DNAJC13: variants seen among roughly 807,000 people sequenced by gnomAD.
DNAJC13 encodes the protein DnaJ heat shock protein family (Hsp40) member C13.
In DNAJC13, 75 loss-of-function variants were observed where a neutral mutation model predicts 290.5. That is an observed-to-expected ratio of 0.26 (90% confidence interval 0.21 to 0.31). DNAJC13 has a LOEUF of 0.31. Among genes scored for constraint, DNAJC13 ranks in the 10% least tolerant of loss-of-function variants. The pLI, the probability that DNAJC13 is intolerant of heterozygous loss-of-function variation, is 1.00. For missense variants in DNAJC13, 2,260 were observed against 2,674.5 expected (o/e 0.85, Z 3.42); for synonymous variants, 862 against 892.0 (o/e 0.97, Z 0.60).
At chr3:132,422,057 A>G (rs904036162) in intron 1 of DNAJC13, among the ~76,000 whole-genome samples, 2 of 147,912 alleles carry the variant, frequency 1.4e-5, no homozygotes, top group African/African-American at 5.0e-5. Flanking sequence ...CTTTTTTCAG[A>G]CCTCACTCTG....
chr3:132,424,701 C>T (rs557916915), intron 1 of DNAJC13, among the ~76,000 whole-genome samples: 11 of 152,080 alleles, frequency 7.2e-5, no homozygotes, highest in African/African-American at 2.6e-4. Flanking sequence ...TTGATATTAC[C>T]GCTGGCTTTT....
chr3:132,488,427 G>A lies in DNAJC13; in HGVS notation c.3397G>A (p.Gly1133Ser). The change falls in exon 30 of 56, where the codon GGT becomes AGT. Residue 1133 changes from glycine (G) to serine (S), a missense_variant. Gly to Ser is a moderately conservative substitution (Grantham distance 56). Around this residue, in one of 3 missense-constraint regions of DNAJC13, gnomAD observed 1,494 missense variants for 1,693.7 expected, o/e 0.88. Coordinates refer to ENST00000260818, the MANE Select transcript of DNAJC13 (RefSeq NM_015268.4). ...GVFFFIMMYT[G>S]SNVLPVARFL... Reference sequence around the variant, plus strand: ...ATTTTTCTTTATCATGATGTACACAGGTTCCAATGTGCTTCCTGTTGCTCG... The same window carrying A: ...ATTTTTCTTTATCATGATGTACACAAGTTCCAATGTGCTTCCTGTTGCTCG... 1 of 1,611,444 alleles carries A rather than the reference G, an allele frequency of 6.2e-7. No homozygotes were observed. Among genetic ancestry groups the A allele is most frequent in the Non-Finnish European group, 8.5e-7 (1 of 1,178,882 alleles).
intron 20 of DNAJC13, among the ~76,000 whole-genome samples, chr3:132,472,174 G>A (rs553798155): frequency 1.3e-5 from 2 of 151,392 alleles, no homozygotes; most frequent in African/African-American, 2.4e-5. Flanking sequence ...GCAGTGAGCC[G>A]AGATGGCAGC....
At chr3:132,462,425 T>G in intron 15 of DNAJC13, 42 bp from the exon 16 acceptor site, 1 of 1,566,276 alleles carries the variant, frequency 6.4e-7, no homozygotes, top group Non-Finnish European at 8.7e-7. Context: ...TGGAATAAAA[T>G]TCTTTTTTAT....
At chr3:132,479,539 CTT>C (rs1190564809) in intron 25 of DNAJC13, among the ~76,000 whole-genome samples, 3 of 152,058 alleles carry the variant, frequency 2.0e-5, no homozygotes, top group Non-Finnish European at 4.4e-5. Context: ...TAATGGATGA[CTT>C]TTAATACATT....
chr3:132,433,863 A>T (rs1939302116), intron 1 of DNAJC13, among the ~76,000 whole-genome samples: 1 of 152,184 alleles, frequency 6.6e-6, no homozygotes, highest in Non-Finnish European at 1.5e-5. Context: ...GACAATCACA[A>T]TATGGTGCTA....
rs1553745989 is a variant in DNAJC13 at position 132,471,237 on chromosome 3, C to CG, written c.2209-1902dup. ...CTCCCGGACGGGGCGGCTGGCCGGG[C>CG]GGGGGGCTGACCCCCCCACCTCCCT... On this transcript the variant is annotated intron_variant, in intron 20 of 55. Coordinates refer to ENST00000260818, the MANE Select transcript of DNAJC13 (RefSeq NM_015268.4). Among the ~76,000 whole-genome samples, 749 of 128,818 alleles carry CG rather than the reference C, an allele frequency of 5.8e-3. 6 individuals carry two copies. The highest frequency in any genetic ancestry group is 0.021 in the African/African-American group (702 of 33,406). The allele number at this position is 128,818 out of a possible 152,430, so 84.5% of individuals were successfully genotyped here.
intron 2 of DNAJC13, among the ~76,000 whole-genome samples, chr3:132,442,064 T>TA (rs796966265): frequency 3.8e-4 from 56 of 146,724 alleles, no homozygotes; most frequent in Admixed American, 1.8e-3. Flanking sequence ...ATACCTTATG[T>TA]AAAAAAAAAT....
At chr3:132,518,661 T>C (rs1326875711) in intron 48 of DNAJC13, among the ~76,000 whole-genome samples, 1 of 152,158 alleles carries the variant, frequency 6.6e-6, no homozygotes, top group African/African-American at 2.4e-5. Context: ...TGGCCAAATT[T>C]TTTTTTCCTT....
At chr3:132,476,095 A>C (rs1934463342) in intron 22 of DNAJC13, among the ~76,000 whole-genome samples, 1 of 152,006 alleles carries the variant, frequency 6.6e-6, no homozygotes, top group South Asian at 2.1e-4. Flanking sequence ...CACCATGCCT[A>C]GCTAATTTTT....
Position 132,526,187 on chromosome 3 carries a change from T to C in DNAJC13, c.6287T>C (p.Met2096Thr), listed in dbSNP as rs761109223. The C allele has an allele frequency of 1.9e-6, 3 of 1,614,116 alleles. No homozygotes were observed. The highest frequency in any genetic ancestry group is 2.5e-6 in the Non-Finnish European group (3 of 1,180,000). The change falls in exon 53 of 56, where the codon ATG (methionine) becomes ACG (threonine). Residue 2096 changes from methionine (M) to threonine (T), a missense_variant. Physicochemically the swap from Met to Thr is moderately conservative, Grantham distance 81 (BLOSUM62 -1). Coordinates refer to ENST00000260818, the MANE Select transcript of DNAJC13 (RefSeq NM_015268.4). ...TCTTTAGAGACCATTGGCCCACTGATGAATGGAATGAAAAAGCGAGCAGAT... is the reference window on the plus strand; with the variant it reads ...TCTTTAGAGACCATTGGCCCACTGACGAATGGAATGAAAAAGCGAGCAGAT... ...MASLETIGPL[M>T]NGMKKRADTV... is the part of the protein sequence containing the mutation.
Position 132,479,271 on chromosome 3 carries a change from C to A in DNAJC13, c.2754C>A (p.Asn918Lys), listed in dbSNP as rs372622778. 6.2e-7 allele frequency: 1 copy of A among 1,605,310 alleles called. No individual in the cohort carries two copies. Among genetic ancestry groups the A allele is most frequent in the Non-Finnish European group, 8.5e-7 (1 of 1,172,864 alleles). ...LERDRLILFLNKLILNKKNVK... is the reference protein window; with the variant it reads ...LERDRLILFLKKLILNKKNVK... ...GAGATAGGTTGATTCTCTTCCTTAACAAGTTGATCCTTAATAAGGTACAGT... is the reference window on the plus strand; with the variant it reads ...GAGATAGGTTGATTCTCTTCCTTAAAAAGTTGATCCTTAATAAGGTACAGT... Residue 918 changes from asparagine to lysine, a missense_variant, in exon 25 of 56, where the codon AAC becomes AAA. By Grantham distance (94) the Asn-to-Lys change is moderately conservative. Transcript: ENST00000260818.
intron 34 of DNAJC13, among the ~76,000 whole-genome samples, 188 bp from the exon 35 acceptor site, chr3:132,494,900 C>G (rs531518068): frequency 6.6e-6 from 1 of 151,268 alleles, no homozygotes; most frequent in Middle Eastern, 3.4e-3. Context: ...TAGGTTTTAT[C>G]TTTCACCCAT....
rs2107744437 is a variant in DNAJC13, at chr3:132,522,766, C to G, written c.5674-62C>G. On this transcript the variant is annotated intron_variant, in intron 48 of 55. Coordinates refer to ENST00000260818, the MANE Select transcript of DNAJC13 (RefSeq NM_015268.4). ...GATATTCTATCTTATTAGCAAAATA[C>G]AAACAAAATATTGAGGTGTTTCCAA... is the stretch of plus-strand genomic sequence containing the variant. 3 of 1,367,600 alleles carry G rather than the reference C, an allele frequency of 2.2e-6. No homozygotes were observed. In the South Asian group the frequency reaches 4.3e-5, roughly 19 times the overall value. 84.7% of individuals were successfully genotyped at this position (1,367,600 alleles called of 1,614,324 possible).
intron 8 of DNAJC13, 95 bp downstream of exon 8, chr3:132,453,789 A>T: frequency 1.9e-6 from 2 of 1,029,220 alleles, no homozygotes; most frequent in Non-Finnish European, 2.9e-6. Flanking sequence ...ATGGCTAAAG[A>T]ATATGGAATG....
chr3:132,526,359 T>G (rs1936257306), intron 53 of DNAJC13, 78 bp downstream of exon 53: 2 of 1,561,516 alleles, frequency 1.3e-6, no homozygotes, highest in Non-Finnish European at 8.7e-7. Context: ...TGGTACTGAT[T>G]TGGTTTCCTT....
At chr3:132,537,296 G>A (rs112267022) in intron 55 of DNAJC13, 2 of 451,528 alleles carry the variant, frequency 4.4e-6, no homozygotes, top group Admixed American at 2.4e-5. Context: ...AATGCATGCC[G>A]CTCCCACTGC....
At position 132,526,295 on chromosome 3, in the gene DNAJC13, T is replaced by C. The variant is rs772696251; in HGVS notation, c.6381+14T>C. ...TTAGTAGCACAAGTAAGTGACTTTCTAGATTTAGCACTATTTTAGGAAAGC... is the reference window on the plus strand; with the variant it reads ...TTAGTAGCACAAGTAAGTGACTTTCCAGATTTAGCACTATTTTAGGAAAGC... On this transcript the variant is annotated intron_variant, in intron 53 of 55. Coordinates refer to ENST00000260818, the MANE Select transcript of DNAJC13 (RefSeq NM_015268.4). 4 of 1,613,678 alleles carry C rather than the reference T, an allele frequency of 2.5e-6. No homozygotes were observed. In the South Asian group the frequency reaches 3.3e-5, roughly 13 times the overall value.
intron 29 of DNAJC13, among the ~76,000 whole-genome samples, chr3:132,485,692 G>T (rs1396224387): frequency 6.6e-6 from 1 of 152,178 alleles, no homozygotes; most frequent in Non-Finnish European, 1.5e-5. Context: ...AATCACAGCA[G>T]TCTTACTAAC....
Sources: gnomAD v4.1 joint callset for allele counts (sites outside exome capture counted in the v4.1 genomes callset) on GRCh38, gnomAD v4.1.1 for gene constraint, gnomAD v4.1.1 regional missense constraint, MANE v1.5 for transcripts, NCBI Gene and HGNC (gene_info 2026-07-23, HGNC 2026-07-21) for gene names.